HIVEP2: variants seen among roughly 807,000 people sequenced by gnomAD.
HIVEP2 encodes the protein HIVEP zinc finger 2, also known as transcription factor HIVEP2.
Under a neutral mutation model 180.7 loss-of-function variants are expected in HIVEP2, and 14 were observed. The ratio of observed to expected loss-of-function variants is 0.08; its 90% CI spans 0.05 to 0.12. The LOEUF is 0.12. Among genes scored for constraint, HIVEP2 ranks in the 10% least tolerant of loss-of-function variants. The probability of loss-of-function intolerance (pLI) is 1.00; values close to 1 mark genes in which losing one functional copy is unlikely to be tolerated. For missense variants in HIVEP2, 2,579 were observed against 3,008.5 expected, an observed-to-expected ratio of 0.86 and a Z score of 3.34; for synonymous variants, 1,184 against 1,136.4, an observed-to-expected ratio of 1.04 and a Z score of -0.84.
intron 1 of HIVEP2, among the ~76,000 whole-genome samples, chr6:142,840,587 C>T (rs569136075): frequency 1.1e-4 from 16 of 152,048 alleles, no homozygotes; most frequent in South Asian, 2.1e-4. Flanking sequence ...TTTAACATTT[C>T]GTAAGTATGT....
In HIVEP2 at chr6:142,760,366, A is replaced by G. The variant is rs764743303; in HGVS notation, c.5922T>C (p.Thr1974=). Residue 1974 remains threonine, a synonymous_variant, in exon 9 of 10, where the codon ACT becomes ACC. Coordinates refer to ENST00000367603, the MANE Select transcript of HIVEP2 (RefSeq NM_006734.4). Reference sequence around the variant, plus strand: ...GCTGAGTAACTCGAATACTTGGCAAAGTAACCAAATAGCTGATCAACGAAG... The same window carrying G: ...GCTGAGTAACTCGAATACTTGGCAAGGTAACCAAATAGCTGATCAACGAAG... The part of the protein sequence containing the change: ...GHSSLISYLV[T]LPSIRVTQLM... 5.6e-6 allele frequency: 9 copies of G among 1,614,140 alleles called. No individual in the cohort carries two copies. The African/African-American group carries it at 9.3e-5, about 17-fold the overall frequency.
Position 142,770,159 on chromosome 6 carries a change from G to A in HIVEP2, c.4580C>T (p.Pro1527Leu), listed in dbSNP as rs772198223. ...SLSPSSSQDY[P>L]SVSPSSREPF... ...CTCCCTGGAAGACGGGCTAACAGAA[G>A]GATAGTCTTGAGATGAGGAGGGCGA... The change falls in exon 5 of 10, where the codon CCT becomes CTT. Residue 1527 changes from proline to leucine, a missense_variant. Coordinates refer to ENST00000367603, the MANE Select transcript of HIVEP2 (RefSeq NM_006734.4). The surrounding 1 kb of genome is among the most constrained non-coding windows in gnomAD (Gnocchi z 4.7). The A allele has an allele frequency of 6.2e-7, 1 of 1,614,232 alleles. No homozygotes were observed. Among genetic ancestry groups the A allele is most frequent in the Admixed American group, 1.7e-5 (1 of 60,030 alleles).
chr6:142,872,000 C>T (rs1776299822), intron 1 of HIVEP2, among the ~76,000 whole-genome samples: 1 of 152,030 alleles, frequency 6.6e-6, no homozygotes, highest in Non-Finnish European at 1.5e-5. Flanking sequence ...GGGAACAGTC[C>T]TCAGAAAGTT....
At chr6:142,913,797 C>T (rs1201788604) in intron 1 of HIVEP2, among the ~76,000 whole-genome samples, 1 of 152,216 alleles carries the variant, frequency 6.6e-6, no homozygotes, top group Non-Finnish European at 1.5e-5. Context: ...CACCTCCACG[C>T]CATCTCGTGG....
chr6:142,846,904 G>A (rs1775529902), intron 1 of HIVEP2, among the ~76,000 whole-genome samples: 1 of 152,212 alleles, frequency 6.6e-6, no homozygotes, highest in Admixed American at 6.5e-5. Flanking sequence ...GAGGTGCTGT[G>A]AAGGCTACGC....
chr6:142,944,427 C>A (rs76317288), intron 1 of HIVEP2, among the ~76,000 whole-genome samples: 11 of 146,844 alleles, frequency 7.5e-5, no homozygotes, highest in South Asian at 4.3e-4. Flanking sequence ...CCCCACACAC[C>A]CACACACACA....
intron 1 of HIVEP2, among the ~76,000 whole-genome samples, chr6:142,926,004 C>T (rs1158031311): frequency 6.6e-6 from 1 of 152,146 alleles, no homozygotes; most frequent in African/African-American, 2.4e-5. Flanking sequence ...TCAGCTGATA[C>T]GACTCTTCTT....
intron 1 of HIVEP2, among the ~76,000 whole-genome samples, chr6:142,935,351 T>G (rs966607160): frequency 6.6e-5 from 10 of 152,002 alleles, no homozygotes; most frequent in Non-Finnish European, 1.2e-4. Flanking sequence ...GAGTTGGAGA[T>G]CAGCCTGGGC....
At chr6:142,920,588 G>T (rs1777661767) in intron 1 of HIVEP2, among the ~76,000 whole-genome samples, 1 of 152,152 alleles carries the variant, frequency 6.6e-6, no homozygotes, top group African/African-American at 2.4e-5. Flanking sequence ...ATAGGTAACA[G>T]AAGAATAAAC....
chr6:142,919,923 A>G (rs1323932181), intron 1 of HIVEP2, among the ~76,000 whole-genome samples: 2 of 152,228 alleles, frequency 1.3e-5, no homozygotes, highest in African/African-American at 4.8e-5. Flanking sequence ...AGAAATGTTA[A>G]CCTATTCAAA....
chr6:142,768,408 T>G lies in HIVEP2; in HGVS notation c.5316A>C (p.Pro1772=), dbSNP rs1266428277. 1.2e-6 allele frequency: 2 copies of G among 1,610,622 alleles called. No homozygotes were observed. Among genetic ancestry groups the G allele is most frequent in the Admixed American group, 1.7e-5 (1 of 58,842 alleles). The change falls in exon 6 of 10, where the codon CCA becomes CCC. Residue 1772 remains proline (P), a synonymous_variant. Transcript: ENST00000367603. ...DKDIGSKQTE[P]IRIKIFEGGY... is the part of the protein sequence containing the mutation. ...CTCCTTCAAATATTTTAATTCGGAT[T>G]GGCTCAGTTTGTTTGGATCCAATAT...
At chr6:142,793,386 C>T (rs1776187435) in intron 2 of HIVEP2, among the ~76,000 whole-genome samples, 1 of 152,088 alleles carries the variant, frequency 6.6e-6, no homozygotes, top group Admixed American at 6.6e-5. Flanking sequence ...TCATTAGTGA[C>T]TGAGGTGATT....
At chr6:142,822,960 T>C (rs1777079691) in intron 2 of HIVEP2, among the ~76,000 whole-genome samples, 1 of 152,160 alleles carries the variant, frequency 6.6e-6, no homozygotes, top group South Asian at 2.1e-4. Flanking sequence ...CAGCCCCACC[T>C]GCTCACACAG....
At chr6:142,793,673 T>TTCTTTCTCTCTC (rs1289211652) in intron 2 of HIVEP2, among the ~76,000 whole-genome samples, 1 of 107,422 alleles carries the variant, frequency 9.3e-6, no homozygotes, top group African/African-American at 3.7e-5. Context: ...CTTTCTTTCT[T>TTCTTTCTCTCTC]TCTCTCTCTC....
intron 9 of HIVEP2, among the ~76,000 whole-genome samples, chr6:142,757,289 T>C (rs1440042366): frequency 6.6e-6 from 1 of 152,174 alleles, no homozygotes; most frequent in African/African-American, 2.4e-5. Context: ...CAGCAGGCTA[T>C]ACATCCTCTA....
chr6:142,844,602 T>A (rs1423398267), intron 1 of HIVEP2, among the ~76,000 whole-genome samples: 1 of 152,234 alleles, frequency 6.6e-6, no homozygotes, highest in African/African-American at 2.4e-5. Context: ...CTATGCTTCC[T>A]GTTCTTAGTA....
At chr6:142,883,380 C>G (rs944308459) in intron 1 of HIVEP2, among the ~76,000 whole-genome samples, 2 of 151,892 alleles carry the variant, frequency 1.3e-5, no homozygotes, top group African/African-American at 4.8e-5. Context: ...TGAGGTTATC[C>G]TGACTCAATT....
At position 142,903,472 on chromosome 6, in the gene HIVEP2, C is replaced by T. The variant is rs145331057; in HGVS notation, c.-641+41627G>A. Among the ~76,000 whole-genome samples, 11 of 152,292 alleles carry T rather than the reference C, an allele frequency of 7.2e-5. No homozygotes were observed. In the East Asian group the frequency reaches 2.1e-3, roughly 29 times the overall value. On this transcript the variant is annotated intron_variant, in intron 1 of 9. Transcript: ENST00000367603. The stretch of plus-strand genomic sequence containing the variant: ...TTGAAACTATTCCCTGATTTCTGTA[C>T]TTGGAGTACAATCATTTTGTTTTAA...
Position 142,773,768 on chromosome 6 carries a change from T to C in HIVEP2, c.971A>G (p.Lys324Arg). ...SLEESLGGPMKVPILIIPKSG... is the reference protein window; with the variant it reads ...SLEESLGGPMRVPILIIPKSG... The stretch of plus-strand genomic sequence containing the variant: ...TTTAGGGATAATCAAAATCGGCACC[T>C]TCATTGGACCTCCCAATGATTCTTC... The change falls in exon 5 of 10, where the codon AAG (lysine) becomes AGG (arginine). Residue 324 changes from lysine (K) to arginine (R), a missense_variant. Lys to Arg is a conservative substitution (Grantham distance 26, BLOSUM62 2). Around this residue, in one of 11 missense-constraint regions of HIVEP2, gnomAD observed 142 missense variants for 135.2 expected, o/e 1.05. Transcript: ENST00000367603. 1 of 1,614,048 alleles carries C rather than the reference T, an allele frequency of 6.2e-7. No individual in the cohort carries two copies. Among genetic ancestry groups the C allele is most frequent in the South Asian group, 1.1e-5 (1 of 91,082 alleles).
Sources: gnomAD v4.1 joint callset for allele counts (sites outside exome capture counted in the v4.1 genomes callset) on GRCh38, gnomAD v4.1.1 for gene constraint, gnomAD v4.1.1 regional missense constraint, Gnocchi (gnomAD v3.1) non-coding constraint, MANE v1.5 for transcripts, NCBI Gene and HGNC (gene_info 2026-07-23, HGNC 2026-07-21) for gene names.